Variants in KCNK10 observed in about 807,000 individuals in gnomAD.
KCNK10 encodes potassium channel subfamily K member 10.
Under a neutral mutation model 47.7 loss-of-function variants are expected in KCNK10, and 25 were observed. That is an observed-to-expected ratio of 0.52 (90% CI 0.38 to 0.73). The LOEUF (loss-of-function observed/expected upper bound fraction) is 0.73, where lower values mean the gene tolerates loss of function less well. KCNK10 is among the 30% of genes least tolerant of loss of function. The pLI is 0.00. For synonymous variants in KCNK10, 303 were observed against 285.6 expected (o/e 1.06, Z -0.61); for missense variants, 563 against 714.5 (o/e 0.79, Z 2.42).
chr14:88,280,009 C>T lies in KCNK10; in HGVS notation c.53-16458G>A, dbSNP rs1036875277. 5.9e-5 allele frequency among the ~76,000 whole-genome samples: 9 copies of T among 152,186 alleles called. No homozygotes were observed. In the East Asian group the frequency reaches 7.7e-4, roughly 13 times the overall value. On this transcript the variant is annotated intron_variant, in intron 1 of 6. Coordinates refer to ENST00000319231, the MANE Select transcript of KCNK10 (RefSeq NM_138317.3). ...TGATTCTGGGGCCTCCCCAGCCATG[C>T]GGAACTGTAAGTCCAATTAAACCTC... is the stretch of plus-strand genomic sequence containing the variant.
intron 1 of KCNK10, among the ~76,000 whole-genome samples, chr14:88,266,968 G>C (rs1887275329): frequency 6.6e-6 from 1 of 152,198 alleles, no homozygotes; most frequent in Non-Finnish European, 1.5e-5. Flanking sequence ...CGAAGAGACT[G>C]TCCATTAGGG....
chr14:88,226,264 G>A (rs554195350), intron 4 of KCNK10, among the ~76,000 whole-genome samples: 7 of 152,146 alleles, frequency 4.6e-5, no homozygotes, highest in Non-Finnish European at 5.9e-5. Context: ...ATGGTGCCTC[G>A]TTCCTCCCAT....
intron 3 of KCNK10, among the ~76,000 whole-genome samples, chr14:88,229,306 G>A (rs898681662): frequency 6.6e-6 from 1 of 152,034 alleles, no homozygotes; most frequent in Admixed American, 6.6e-5. Flanking sequence ...GCTTACCACG[G>A]AGCATCAGGG....
At chr14:88,247,506 T>C in intron 2 of KCNK10, among the ~76,000 whole-genome samples, 1 of 152,224 alleles carries the variant, frequency 6.6e-6, no homozygotes, top group East Asian at 1.9e-4. Flanking sequence ...AAGTACCCAG[T>C]TATGTGCAAA....
At chr14:88,256,542 T>G (rs750486906) in intron 2 of KCNK10, among the ~76,000 whole-genome samples, 1 of 152,028 alleles carries the variant, frequency 6.6e-6, no homozygotes, top group Non-Finnish European at 1.5e-5. Context: ...CTCAATGGAA[T>G]AGCAACTTGC....
chr14:88,276,920 T>A (rs1887538069), intron 1 of KCNK10, among the ~76,000 whole-genome samples: 1 of 152,206 alleles, frequency 6.6e-6, no homozygotes, highest in Admixed American at 6.5e-5. Context: ...TATACAGAAA[T>A]CCTACTCTGC....
In KCNK10 at chr14:88,186,092, T is replaced by C; in HGVS notation, c.1075A>G (p.Thr359Ala). The C allele has an allele frequency of 6.2e-7, 1 of 1,611,142 alleles. No individual in the cohort carries two copies. Among genetic ancestry groups the C allele is most frequent in the Non-Finnish European group, 8.5e-7 (1 of 1,179,432 alleles). Residue 359 changes from threonine (T) to alanine (A), a missense_variant, in exon 7 of 7, where the codon ACA (threonine) becomes GCA (alanine). Physicochemically the swap from Thr to Ala is moderately conservative, Grantham distance 58. Coordinates refer to ENST00000319231, the MANE Select transcript of KCNK10 (RefSeq NM_138317.3). This position sits in a 1 kb window ranked among gnomAD's most constrained non-coding sequence, Gnocchi z 5.5. The stretch of plus-strand genomic sequence containing the variant: ...ATCTCCACGCTGAGCCTTCGCCGTG[T>C]CTCCCGGAACTCAGCCGTGACATTG... ...KANVTAEFRE[T>A]RRRLSVEIHD...
chr14:88,190,714 T>C (rs2139825752), intron 5 of KCNK10, among the ~76,000 whole-genome samples: 1 of 152,306 alleles, frequency 6.6e-6, no homozygotes, highest in East Asian at 1.9e-4. Flanking sequence ...AAAAACCCTA[T>C]TATTTCTACA....
At chr14:88,288,944 T>A (rs895829137) in intron 1 of KCNK10, among the ~76,000 whole-genome samples, 2 of 152,150 alleles carry the variant, frequency 1.3e-5, no homozygotes, top group African/African-American at 4.8e-5. Flanking sequence ...CCACCTGGCT[T>A]GATTTTCCTC....
chr14:88,310,119 A>G (rs1888281433), intron 1 of KCNK10, among the ~76,000 whole-genome samples: 1 of 151,008 alleles, frequency 6.6e-6, no homozygotes, highest in African/African-American at 2.4e-5. Context: ...TGTTAACAAG[A>G]TGTGTTCTGG....
intron 6 of KCNK10, 35 bp downstream of exon 6, chr14:88,187,932 T>C: frequency 6.2e-7 from 1 of 1,612,404 alleles, no homozygotes; most frequent in Non-Finnish European, 8.5e-7. Flanking sequence ...TCATCTGTTC[T>C]CAGGAACATT....
chr14:88,255,901 T>C (rs1886941763), intron 2 of KCNK10, among the ~76,000 whole-genome samples: 1 of 152,154 alleles, frequency 6.6e-6, no homozygotes. Flanking sequence ...TGTAGGCTTC[T>C]TGCAAGAGTT....
chr14:88,294,566 T>C (rs1039438941), intron 1 of KCNK10, among the ~76,000 whole-genome samples: 9 of 152,204 alleles, frequency 5.9e-5, no homozygotes, highest in South Asian at 2.1e-4. Context: ...CAGAGCAATG[T>C]GTCAAGCAAC....
chr14:88,274,439 T>C (rs771915868), intron 1 of KCNK10, among the ~76,000 whole-genome samples: 4 of 150,590 alleles, frequency 2.7e-5, no homozygotes, highest in Non-Finnish European at 4.4e-5. Context: ...GCGCACGCTG[T>C]AATTCCAGCT....
In KCNK10 at chr14:88,186,296, C is replaced by T. The variant is rs1884560014; in HGVS notation, c.1012-141G>A. The stretch of plus-strand genomic sequence containing the variant: ...TGCCCAGGGGGAGGTGCAAATGCTA[C>T]CTTCTGCCCTAGTACTTCTGCCACC... On this transcript the variant is annotated intron_variant, in intron 6 of 6. Transcript: ENST00000319231. This position sits in a 1 kb window ranked among gnomAD's most constrained non-coding sequence, Gnocchi z 5.5. The T allele has an allele frequency of 2.0e-6, 2 of 1,018,190 alleles. No homozygotes were observed. The highest frequency in any genetic ancestry group is 1.6e-5 in the African/African-American group (1 of 61,824). The allele number at this position is 1,018,190 out of a possible 1,614,324, so 63.1% of individuals were successfully genotyped here.
intron 1 of KCNK10, among the ~76,000 whole-genome samples, chr14:88,288,623 C>A (rs1358760534): frequency 2.6e-5 from 4 of 152,204 alleles, no homozygotes; most frequent in Non-Finnish European, 5.9e-5. Flanking sequence ...AGGGTTCCCA[C>A]AACTCCCTGA....
intron 4 of KCNK10, among the ~76,000 whole-genome samples, chr14:88,215,879 G>C (rs1330406132): frequency 6.6e-6 from 1 of 152,138 alleles, no homozygotes; most frequent in African/African-American, 2.4e-5. Context: ...ACTGTGCATA[G>C]AAAAGAGTGA....
At position 88,308,795 on chromosome 14, in the gene KCNK10, C is replaced by A. The variant is rs559388553; in HGVS notation, c.52+13952G>T. Among the ~76,000 whole-genome samples the A allele has an allele frequency of 1.3e-3, 194 of 152,330 alleles. 1 individual carries two copies. Among genetic ancestry groups the A allele is most frequent in the African/African-American group, 4.5e-3 (189 of 41,574 alleles). On this transcript the variant is annotated intron_variant, in intron 1 of 6. Transcript: ENST00000319231. The stretch of plus-strand genomic sequence containing the variant: ...AATTACAAACTAGGCAGCTCTGAGG[C>A]CTTCTTTGAAATCACTGAATTTTCT...
chr14:88,229,057 A>T (rs1488063091), intron 3 of KCNK10, among the ~76,000 whole-genome samples: 1 of 152,226 alleles, frequency 6.6e-6, no homozygotes, highest in Non-Finnish European at 1.5e-5. Context: ...TCTTGGAAAC[A>T]TTCAAGTAAC....
Sources: gnomAD v4.1 joint callset for allele counts (sites outside exome capture counted in the v4.1 genomes callset) on GRCh38, gnomAD v4.1.1 for gene constraint, Gnocchi (gnomAD v3.1) non-coding constraint, MANE v1.5 for transcripts, NCBI Gene and HGNC (gene_info 2026-07-23, HGNC 2026-07-21) for gene names.